Variants in KIF4A observed in about 807,000 individuals in gnomAD.
The protein encoded by KIF4A is chromosome-associated kinesin KIF4A.
Under a neutral mutation model 105.9 loss-of-function variants are expected in KIF4A, and 7 were observed. The observed-to-expected ratio is 0.07, with a 90% confidence interval of 0.04 to 0.12. KIF4A has a LOEUF of 0.12. Among genes scored for constraint, KIF4A ranks in the 10% least tolerant of loss-of-function variants. The probability of loss-of-function intolerance (pLI) is 1.00; values close to 1 mark genes in which losing one functional copy is unlikely to be tolerated. For missense variants in KIF4A, 558 were observed against 929.2 expected (o/e 0.60, Z 5.19); for synonymous variants, 281 against 331.3 (o/e 0.85, Z 1.65).
intron 5 of KIF4A, among the ~76,000 whole-genome samples, chrX:70,299,578 C>T (rs1012625376): frequency 5.4e-5 from 6 of 111,570 alleles, no homozygotes; most frequent in African/African-American, 1.6e-4. Flanking sequence ...ACACTAGCCA[C>T]GTATGAAGTG....
At chrX:70,359,505 AT>A (rs201226527) in intron 15 of KIF4A, among the ~76,000 whole-genome samples, 12 of 101,250 alleles carry the variant, frequency 1.2e-4, no homozygotes, top group Admixed American at 1.1e-4. Flanking sequence ...ATTTTCTCAC[AT>A]TTTAAAAAAA....
intron 7 of KIF4A, among the ~76,000 whole-genome samples, chrX:70,316,259 T>A (rs769216929): frequency 8.9e-6 from 1 of 112,241 alleles, no homozygotes; most frequent in South Asian, 3.7e-4. Flanking sequence ...GGCATGTCAC[T>A]TTCATTTCTG....
At position 70,298,628 on chromosome X, in the gene KIF4A, A is replaced by G. The variant is rs190314051; in HGVS notation, c.427-485A>G. Among the ~76,000 whole-genome samples the G allele has an allele frequency of 2.7e-5, 3 of 112,446 alleles. No individual in the cohort carries two copies. The East Asian group carries it at 8.4e-4, about 32-fold the overall frequency. ...GATCCTGGTATGTTAAATAATAGCA[A>G]TAGCAGTAATAGCAAACACATGTAG... On this transcript the variant is annotated intron_variant, in intron 4 of 30. Coordinates refer to ENST00000374403, the MANE Select transcript of KIF4A (RefSeq NM_012310.5).
chrX:70,403,536 A>C (rs184739378), intron 23 of KIF4A, among the ~76,000 whole-genome samples: 5 of 112,923 alleles, frequency 4.4e-5, no homozygotes, highest in African/African-American at 6.4e-5. Flanking sequence ...CTTCTTAAAT[A>C]TCAGAATTTG....
At chrX:70,339,660 C>G (rs190104744) in intron 10 of KIF4A, among the ~76,000 whole-genome samples, 126 of 112,754 alleles carry the variant, frequency 1.1e-3, no homozygotes, top group Admixed American at 5.8e-3. Flanking sequence ...GGCTTGTTAA[C>G]AAAAAGTACA....
intron 7 of KIF4A, among the ~76,000 whole-genome samples, chrX:70,303,300 A>G (rs2085811660): frequency 1.8e-5 from 2 of 112,190 alleles, no homozygotes; most frequent in Non-Finnish European, 3.8e-5. Context: ...GTCAAAGATC[A>G]TTGACATAGC....
chrX:70,372,197 G>A (rs1298087658), intron 15 of KIF4A, among the ~76,000 whole-genome samples: 186 of 109,479 alleles, frequency 1.7e-3, no homozygotes, highest in African/African-American at 5.9e-3. Context: ...CGTCCCAGAC[G>A]ATGGGCGGCC....
At chrX:70,375,612 G>C (rs766272858) in intron 17 of KIF4A, among the ~76,000 whole-genome samples, 11 of 111,693 alleles carry the variant, frequency 9.8e-5, no homozygotes, top group Non-Finnish European at 1.9e-4. Flanking sequence ...TCCATACTTA[G>C]TGGGTTATAT....
chrX:70,371,682 G>C (rs1440160694), intron 15 of KIF4A, among the ~76,000 whole-genome samples: 73 of 108,050 alleles, frequency 6.8e-4, no homozygotes, highest in Middle Eastern at 4.7e-3. Flanking sequence ...TCCCGGACGG[G>C]ACGGCTGGCC....
chrX:70,399,171 T>C (rs1276495173), intron 22 of KIF4A, among the ~76,000 whole-genome samples: 1 of 112,293 alleles, frequency 8.9e-6, no homozygotes. Context: ...CTGAATATGA[T>C]GGTCGTCTCA....
At chrX:70,348,670 G>A (rs1363673247) in intron 13 of KIF4A, among the ~76,000 whole-genome samples, 1 of 111,280 alleles carries the variant, frequency 9.0e-6, no homozygotes, top group Non-Finnish European at 1.9e-5. Context: ...GGGGTTGGGG[G>A]TAAGGTTATA....
chrX:70,402,708 C>T lies in KIF4A; in HGVS notation c.2619+13C>T, dbSNP rs768197443. On this transcript the variant is annotated intron_variant, in intron 23 of 30. Transcript: ENST00000374403. ...TTTGATTGGAGAGGTAAACATCACT[C>T]TAACCAGCAGTTAGGAGGCTGGCTG... 1.7e-6 allele frequency: 2 copies of T among 1,203,200 alleles called. No individual in the cohort carries two copies. The highest frequency in any genetic ancestry group is 2.2e-6 in the Non-Finnish European group (2 of 891,219).
intron 7 of KIF4A, among the ~76,000 whole-genome samples, chrX:70,322,756 ACTGAGAC>A (rs982877344): frequency 9.7e-6 from 1 of 102,675 alleles, no homozygotes; most frequent in African/African-American, 3.6e-5. Context: ...CTCATTAGTC[ACTGAGAC>A]CTGTCAGTCC....
intron 7 of KIF4A, among the ~76,000 whole-genome samples, chrX:70,318,334 A>T (rs1252716955): frequency 6.2e-5 from 7 of 112,308 alleles, no homozygotes; most frequent in Non-Finnish European, 1.3e-4. Context: ...TGAGAGATTC[A>T]TCTACTACAT....
chrX:70,379,095 G>A (rs780268194), intron 18 of KIF4A, among the ~76,000 whole-genome samples: 128 of 108,394 alleles, frequency 1.2e-3, no homozygotes, highest in African/African-American at 3.2e-3. Flanking sequence ...CCCGGAAGGC[G>A]GAGCTTGCAG....
chrX:70,346,074 A>G (rs2085991414), intron 13 of KIF4A, among the ~76,000 whole-genome samples: 2 of 111,257 alleles, frequency 1.8e-5, no homozygotes, highest in Non-Finnish European at 3.8e-5. Context: ...CACAAGGAAA[A>G]ATTTAAGAGC....
chrX:70,356,022 G>A (rs750513154), intron 15 of KIF4A, among the ~76,000 whole-genome samples: 20 of 111,053 alleles, frequency 1.8e-4, no homozygotes, highest in Non-Finnish European at 3.8e-4. Flanking sequence ...TTAGTTTTTT[G>A]TAATGCCAGC....
chrX:70,326,226 C>T (rs1332970034), intron 7 of KIF4A, among the ~76,000 whole-genome samples: 1 of 111,982 alleles, frequency 8.9e-6, no homozygotes, highest in Non-Finnish European at 1.9e-5. Flanking sequence ...GCTGTGGCAC[C>T]GTTAATATTT....
At chrX:70,347,507 G>GCAA (rs1327357640) in intron 13 of KIF4A, among the ~76,000 whole-genome samples, 1 of 111,378 alleles carries the variant, frequency 9.0e-6, no homozygotes, top group Non-Finnish European at 1.9e-5. Context: ...CTTCTTCAAG[G>GCAA]ATTAACCCAT....
Sources: gnomAD v4.1 joint callset for allele counts (sites outside exome capture counted in the v4.1 genomes callset) on GRCh38, gnomAD v4.1.1 for gene constraint, MANE v1.5 for transcripts, NCBI Gene and HGNC (gene_info 2026-07-23, HGNC 2026-07-21) for gene names.